The following LSAMP variants were observed in gnomAD, a reference collection of about 807,000 sequenced individuals.
LSAMP encodes limbic system-associated membrane protein.
A neutral mutation model predicts 38.6 loss-of-function variants in LSAMP; 7 were observed. That is an observed-to-expected ratio of 0.18 (90% CI 0.10 to 0.34). LSAMP has a LOEUF of 0.34. Among genes scored for constraint, LSAMP ranks in the 10% least tolerant of loss-of-function variants. LSAMP has a pLI of 1.00. For synonymous variants in LSAMP, 154 were observed against 166.8 expected (o/e 0.92, Z 0.59); for missense variants, 313 against 420.0 (o/e 0.75, Z 2.23).
chr3:115,816,778 G>A, intron 6 of LSAMP: 1 of 413,732 alleles, frequency 2.4e-6, no homozygotes, highest in Non-Finnish European at 4.4e-6. Flanking sequence ...CATTTTAATA[G>A]GAAAGAATAT....
chr3:116,166,969 T>A (rs567657468), intron 1 of LSAMP, among the ~76,000 whole-genome samples: 370 of 152,026 alleles, frequency 2.4e-3, no homozygotes, highest in Non-Finnish European at 3.7e-3. Context: ...TTTTTTGTAT[T>A]TTTAGTAGAG....
At position 116,130,770 on chromosome 3, in the gene LSAMP, A is replaced by T. The variant is rs1029076524; in HGVS notation, c.156-44214T>A. The stretch of plus-strand genomic sequence containing the variant: ...TATAGCTACAGGTTTTTCCACATTG[A>T]AAAAATTACCTACCCAGAAATCCTA... On this transcript the variant is annotated intron_variant, in intron 1 of 6. Coordinates refer to ENST00000490035, the MANE Select transcript of LSAMP (RefSeq NM_002338.5). Among the ~76,000 whole-genome samples the T allele has an allele frequency of 6.6e-5, 10 of 152,268 alleles. No individual in the cohort carries two copies. In the East Asian group the frequency reaches 1.9e-3, roughly 29 times the overall value.
At chr3:116,440,528 C>A (rs1365513165) in intron 1 of LSAMP, among the ~76,000 whole-genome samples, 3 of 152,144 alleles carry the variant, frequency 2.0e-5, no homozygotes, top group African/African-American at 7.2e-5. Context: ...ACTTATATGT[C>A]CCATACTTAC....
intron 6 of LSAMP, among the ~76,000 whole-genome samples, chr3:115,839,278 C>CTTCCTTCCTTCCTTCT (rs1934913490): frequency 8.2e-6 from 1 of 121,660 alleles, no homozygotes; most frequent in African/African-American, 3.4e-5. Context: ...TCCTTCCTTC[C>CTTCCTTCCTTCCTTCT]TTCCTTCCTT....
At chr3:115,878,352 G>T (rs1316184543) in intron 3 of LSAMP, among the ~76,000 whole-genome samples, 1 of 151,350 alleles carries the variant, frequency 6.6e-6, no homozygotes, top group African/African-American at 2.4e-5. Context: ...TGTTGTTCTG[G>T]TTATAAAGAG....
At chr3:116,062,150 T>A (rs1941604879) in intron 2 of LSAMP, among the ~76,000 whole-genome samples, 1 of 152,244 alleles carries the variant, frequency 6.6e-6, no homozygotes, top group African/African-American at 2.4e-5. Context: ...TCAGCTTCAT[T>A]ACTTTACTGG....
intron 1 of LSAMP, among the ~76,000 whole-genome samples, chr3:116,230,718 C>T (rs1213586243): frequency 2.0e-5 from 3 of 152,046 alleles, no homozygotes; most frequent in African/African-American, 7.2e-5. Context: ...TCCTTGGAAC[C>T]CACTCGGCTT....
At chr3:115,983,135 T>C (rs548784410) in intron 3 of LSAMP, among the ~76,000 whole-genome samples, 37 of 152,110 alleles carry the variant, frequency 2.4e-4, no homozygotes, top group Non-Finnish European at 4.9e-4. Flanking sequence ...CTTGGCTTTC[T>C]GAGATGCAAA....
At chr3:116,192,785 A>T (rs890620442) in intron 1 of LSAMP, among the ~76,000 whole-genome samples, 1 of 152,134 alleles carries the variant, frequency 6.6e-6, no homozygotes, top group African/African-American at 2.4e-5. Flanking sequence ...CTTTTGAAGC[A>T]ATTAGGTTAT....
chr3:116,019,662 G>T (rs774810448), intron 2 of LSAMP, 22 bp from the exon 3 acceptor site: 1 of 1,607,190 alleles, frequency 6.2e-7, no homozygotes, highest in African/African-American at 1.3e-5. Flanking sequence ...AAAGGAAATG[G>T]AATATGTAAC....
At chr3:116,292,673 G>A (rs2047283564) in intron 1 of LSAMP, among the ~76,000 whole-genome samples, 1 of 152,142 alleles carries the variant, frequency 6.6e-6, no homozygotes, top group Admixed American at 6.5e-5. Context: ...CTGGCCTCCT[G>A]ACTGGTGATC....
intron 1 of LSAMP, among the ~76,000 whole-genome samples, chr3:116,121,496 T>G (rs1480685728): frequency 6.6e-6 from 1 of 152,246 alleles, no homozygotes; most frequent in East Asian, 1.9e-4. Context: ...AATGTTGGTT[T>G]GGGAACATGT....
chr3:116,207,596 C>T (rs2046088669), intron 1 of LSAMP, among the ~76,000 whole-genome samples: 1 of 151,548 alleles, frequency 6.6e-6, no homozygotes, highest in African/African-American at 2.4e-5. Context: ...TTAGGGCAGG[C>T]CTGGTGGTGA....
intron 2 of LSAMP, among the ~76,000 whole-genome samples, chr3:116,072,751 G>GTTTTTTTTTTTTT (rs1559731710): frequency 8.4e-6 from 1 of 118,706 alleles, no homozygotes. Flanking sequence ...GGTTGTTTGT[G>GTTTTTTTTTTTTT]GTTTTTTTTT....
chr3:115,981,579 T>C (rs758925201), intron 3 of LSAMP, among the ~76,000 whole-genome samples: 4 of 152,196 alleles, frequency 2.6e-5, no homozygotes, highest in Admixed American at 6.6e-5. Flanking sequence ...ATCAGCAGGT[T>C]ACTAGTCACA....
intron 2 of LSAMP, among the ~76,000 whole-genome samples, chr3:116,031,984 T>G (rs991450140): frequency 6.6e-6 from 1 of 152,104 alleles, no homozygotes; most frequent in African/African-American, 2.4e-5. Context: ...CTAGGAGAGA[T>G]AGAATTTCTG....
intron 1 of LSAMP, among the ~76,000 whole-genome samples, chr3:116,148,190 G>A (rs1709531129): frequency 6.7e-6 from 1 of 149,280 alleles, no homozygotes; most frequent in African/African-American, 2.5e-5. Flanking sequence ...TAAAATAACA[G>A]CAACAACAAC....
chr3:116,127,108 C>T lies in LSAMP; in HGVS notation c.156-40552G>A, dbSNP rs150327900. On this transcript the variant is annotated intron_variant, in intron 1 of 6. Coordinates refer to ENST00000490035, the MANE Select transcript of LSAMP (RefSeq NM_002338.5). ...TGCGGTTTATTTACAGGGAATAAAC[C>T]AAGTGATAGAGTAGGAATCTCTAGG... 6.9e-3 allele frequency among the ~76,000 whole-genome samples: 1,054 copies of T among 152,090 alleles called. 11 individuals are homozygous for T. Among genetic ancestry groups the T allele is most frequent in the African/African-American group, 0.024 (998 of 41,482 alleles).
At chr3:116,053,450 G>GTT (rs1941433404) in intron 2 of LSAMP, among the ~76,000 whole-genome samples, 1 of 152,166 alleles carries the variant, frequency 6.6e-6, no homozygotes, top group Non-Finnish European at 1.5e-5. Context: ...CAAGCTAAAA[G>GTT]AGTTTTGAGG....
Sources: allele counts gnomAD v4.1 joint callset (sites outside exome capture counted in the v4.1 genomes callset), GRCh38; gene constraint gnomAD v4.1.1; transcripts MANE v1.5; gene names NCBI Gene and HGNC (gene_info 2026-07-23, HGNC 2026-07-21).